TANC1: variants seen among roughly 807,000 people sequenced by gnomAD.
The protein encoded by TANC1 is tetratricopeptide repeat, ankyrin repeat and coiled-coil containing 1.
In TANC1, 77 loss-of-function variants were observed where a neutral mutation model predicts 149.7. The ratio of observed to expected loss-of-function variants is 0.51; its 90% CI spans 0.43 to 0.62. The LOEUF is 0.62. Among genes scored for constraint, TANC1 ranks in the 20% least tolerant of loss-of-function variants. The probability of loss-of-function intolerance (pLI) is 0.00; values close to 1 mark genes in which losing one functional copy is unlikely to be tolerated. For missense variants in TANC1, 1,985 were observed against 2,321.8 expected (o/e 0.85, Z 2.98); for synonymous variants, 854 against 925.0 (o/e 0.92, Z 1.39).
chr2:159,079,346 CTT>C (rs68143585), intron 3 of TANC1, among the ~76,000 whole-genome samples: 28,332 of 109,560 alleles, frequency 0.26, 3,639 homozygotes, highest in Middle Eastern at 0.37. Flanking sequence ...GTGTGTGTGT[CTT>C]TTTTTTTTTT....
At chr2:159,101,706 G>A (rs2046729359) in intron 4 of TANC1, among the ~76,000 whole-genome samples, 1 of 152,116 alleles carries the variant, frequency 6.6e-6, no homozygotes, top group Non-Finnish European at 1.5e-5. Context: ...GTTTTCCAGA[G>A]AAGAGAAAAG....
At chr2:159,027,943 G>C (rs2039480381) in intron 2 of TANC1, among the ~76,000 whole-genome samples, 1 of 152,010 alleles carries the variant, frequency 6.6e-6, no homozygotes, top group Non-Finnish European at 1.5e-5. Context: ...GTGCATGTCA[G>C]TTCAAGTCTC....
chr2:159,065,764 T>C (rs997432188), intron 2 of TANC1, 132 bp from the exon 3 acceptor site: 59 of 607,578 alleles, frequency 9.7e-5, no homozygotes, highest in Middle Eastern at 4.5e-4. Flanking sequence ...AGAAAATTAA[T>C]GTAAGGCTTA....
chr2:159,092,587 G>T (rs1416049903), intron 3 of TANC1, among the ~76,000 whole-genome samples: 1 of 152,144 alleles, frequency 6.6e-6, no homozygotes, highest in African/African-American at 2.4e-5. Flanking sequence ...TGCAAACTAT[G>T]ACTTTGACTT....
chr2:159,109,517 T>C (rs189005460), intron 4 of TANC1, among the ~76,000 whole-genome samples: 74 of 152,364 alleles, frequency 4.9e-4, no homozygotes, highest in African/African-American at 1.6e-3. Flanking sequence ...ACTAGAGCTC[T>C]TTCTGTTAGC....
In TANC1 at chr2:159,176,523, CAAAG is replaced by C; in HGVS notation, c.1902+8_1902+11del. On this transcript the variant is annotated splice_donor_region_variant and intron_variant, in intron 13 of 26. Transcript: ENST00000263635. ...ACTGTAAGAGCAAATTTTCAGGTAACAAAGAATTCTCAAATCTTTCTCCAAGTCC... is the reference window on the plus strand; with the variant it reads ...ACTGTAAGAGCAAATTTTCAGGTAACAATTCTCAAATCTTTCTCCAAGTCC... 5.1e-6 allele frequency: 8 copies of C among 1,583,440 alleles called. No individual in the cohort carries two copies. Among genetic ancestry groups the C allele is most frequent in the Non-Finnish European group, 6.8e-6 (8 of 1,169,918 alleles).
At chr2:158,998,492 C>T (rs1420084797) in intron 1 of TANC1, among the ~76,000 whole-genome samples, 1 of 152,176 alleles carries the variant, frequency 6.6e-6, no homozygotes, top group African/African-American at 2.4e-5. Context: ...TTGTGCAGCA[C>T]CTACCAGCCA....
At chr2:159,197,604 AACACAC>A (rs35552387) in intron 18 of TANC1, among the ~76,000 whole-genome samples, 55 of 143,824 alleles carry the variant, frequency 3.8e-4, no homozygotes, top group African/African-American at 9.3e-4. Context: ...TTAAACATTA[AACACAC>A]ACACACACAC....
At chr2:158,989,645 C>T (rs1446320168) in intron 1 of TANC1, among the ~76,000 whole-genome samples, 10 of 148,232 alleles carry the variant, frequency 6.7e-5, no homozygotes, top group African/African-American at 2.0e-4. Context: ...TTTTTGTTTT[C>T]GGCCAGTTTG....
At chr2:159,010,619 G>A (rs770544067) in intron 2 of TANC1, among the ~76,000 whole-genome samples, 1 of 151,990 alleles carries the variant, frequency 6.6e-6, no homozygotes, top group African/African-American at 2.4e-5. Flanking sequence ...ATACTGACAC[G>A]TGGCTCTAGT....
chr2:159,045,419 A>G (rs2040963481), intron 2 of TANC1, among the ~76,000 whole-genome samples: 1 of 152,208 alleles, frequency 6.6e-6, no homozygotes, highest in Non-Finnish European at 1.5e-5. Context: ...GTGACAGAGC[A>G]AGACTGTCTC....
intron 7 of TANC1, 117 bp downstream of exon 7, chr2:159,150,673 G>A (rs760744581): frequency 2.6e-5 from 19 of 740,574 alleles, no homozygotes; most frequent in Non-Finnish European, 3.2e-5. Context: ...GCCAGCGCCT[G>A]CTCTGTTCTT....
intron 2 of TANC1, among the ~76,000 whole-genome samples, chr2:159,012,273 T>C (rs1328789197): frequency 6.6e-6 from 1 of 152,268 alleles, no homozygotes; most frequent in Non-Finnish European, 1.5e-5. Flanking sequence ...AGGCCAGTGC[T>C]GCTGCTGTTT....
intron 2 of TANC1, among the ~76,000 whole-genome samples, chr2:159,044,177 C>T (rs767430096): frequency 5.3e-5 from 8 of 152,150 alleles, no homozygotes; most frequent in Non-Finnish European, 1.2e-4. Context: ...CAATGGCTCT[C>T]GCCTGTAATC....
At chr2:159,118,387 C>A (rs745985570) in intron 4 of TANC1, among the ~76,000 whole-genome samples, 49 of 152,156 alleles carry the variant, frequency 3.2e-4, no homozygotes, top group Non-Finnish European at 1.0e-4. Context: ...TGGAATTTTT[C>A]TGCATAGGAG....
intron 4 of TANC1, among the ~76,000 whole-genome samples, chr2:159,111,737 T>G (rs954411580): frequency 1.3e-5 from 2 of 152,104 alleles, no homozygotes; most frequent in African/African-American, 2.4e-5. Flanking sequence ...GCAAGTGAGG[T>G]CATTGTGCCC....
At chr2:159,013,930 T>C (rs1170029456) in intron 2 of TANC1, among the ~76,000 whole-genome samples, 2 of 152,182 alleles carry the variant, frequency 1.3e-5, no homozygotes, top group African/African-American at 2.4e-5. Context: ...CCTTGACTTG[T>C]AGAGGGCCAT....
chr2:159,062,973 C>CCAAA (rs770866772), intron 2 of TANC1, among the ~76,000 whole-genome samples: 25 of 41,216 alleles, frequency 6.1e-4, no homozygotes, highest in Non-Finnish European at 1.2e-3. Flanking sequence ...GACTCCGTCT[C>CCAAA]AAAAAAAAAA....
At chr2:159,046,858 C>T (rs942123450) in intron 2 of TANC1, among the ~76,000 whole-genome samples, 26 of 152,110 alleles carry the variant, frequency 1.7e-4, no homozygotes, top group African/African-American at 5.8e-4. Context: ...CTTGCCTCGG[C>T]CTCCCCAAAA....
Sources: allele counts gnomAD v4.1 joint callset (sites outside exome capture counted in the v4.1 genomes callset), GRCh38; gene constraint gnomAD v4.1.1; transcripts MANE v1.5; gene names NCBI Gene and HGNC (gene_info 2026-07-23, HGNC 2026-07-21).